ZHX2: variants seen among roughly 807,000 people sequenced by gnomAD.
ZHX2 encodes the protein zinc fingers and homeoboxes protein 2.
In ZHX2, 6 loss-of-function variants were observed where a neutral mutation model predicts 21.9. That is an observed-to-expected ratio of 0.27 (90% confidence interval 0.15 to 0.54). The LOEUF is 0.54. ZHX2 is among the 20% of genes least tolerant of loss of function. The pLI is 0.95. For synonymous variants in ZHX2, 434 were observed against 437.1 expected, an observed-to-expected ratio of 0.99 and a Z score of 0.09; for missense variants, 908 against 1,090.7, an observed-to-expected ratio of 0.83 and a Z score of 2.36.
At chr8:122,937,899 T>A (rs1468446989) in intron 2 of ZHX2, among the ~76,000 whole-genome samples, 1 of 145,588 alleles carries the variant, frequency 6.9e-6, no homozygotes, top group Non-Finnish European at 1.5e-5. Context: ...CTATTTTTTT[T>A]ATTCATGTAT....
chr8:122,780,532 A>T (rs748405703), upstream of ZHX2: 1 of 152,298 alleles, frequency 6.6e-6, no homozygotes, highest in Admixed American at 6.5e-5. Flanking sequence ...GCCGCCTGAG[A>T]TCCCGAAGTG....
At chr8:122,874,243 C>G (rs1230660541) in intron 2 of ZHX2, among the ~76,000 whole-genome samples, 1 of 152,142 alleles carries the variant, frequency 6.6e-6, no homozygotes, top group Non-Finnish European at 1.5e-5. Context: ...GCACAGGCAT[C>G]TTTGGGGGTC....
At chr8:122,870,704 C>T (rs1291964556) in intron 2 of ZHX2, among the ~76,000 whole-genome samples, 1 of 146,666 alleles carries the variant, frequency 6.8e-6, no homozygotes, top group Non-Finnish European at 1.5e-5. Flanking sequence ...GCAGATGGCA[C>T]TGCAGGTAGG....
intron 2 of ZHX2, among the ~76,000 whole-genome samples, chr8:122,905,208 C>G (rs1820317204): frequency 6.6e-6 from 1 of 152,210 alleles, no homozygotes; most frequent in Non-Finnish European, 1.5e-5. Context: ...GAACCCCATA[C>G]AGGATGAATC....
chr8:122,957,749 G>A (rs1813345834), intron 3 of ZHX2, among the ~76,000 whole-genome samples: 1 of 152,154 alleles, frequency 6.6e-6, no homozygotes, highest in Non-Finnish European at 1.5e-5. Context: ...GGGATGACAG[G>A]CAGGAGCCAC....
Position 122,864,675 on chromosome 8 carries a change from G to A in ZHX2, c.-220+1136G>A, listed in dbSNP as rs566618396. ...CAGGGCCCCAGAGAAGGCAAAAGCGGGTGTGGTCCAGGCAGGTGGCTTGGC... is the reference window on the plus strand; with the variant it reads ...CAGGGCCCCAGAGAAGGCAAAAGCGAGTGTGGTCCAGGCAGGTGGCTTGGC... On this transcript the variant is annotated intron_variant, in intron 2 of 3. Coordinates refer to ENST00000314393, the MANE Select transcript of ZHX2 (RefSeq NM_014943.5). 1.6e-4 allele frequency among the ~76,000 whole-genome samples: 24 copies of A among 152,240 alleles called. 1 individual carries two copies. In the East Asian group the frequency reaches 4.6e-3, roughly 29 times the overall value.
In ZHX2 at chr8:122,951,600, C is replaced by G. The variant is rs775719645; in HGVS notation, c.90C>G (p.Ala30=). ...ATGTGCCCGAGGAAGTAGACAGGGC[C>G]AAAGAGAAAGGAATCGGCACACCAC... ...EQDVPEEVDR[A]KEKGIGTPQP... is the part of the protein sequence containing the mutation. The change falls in exon 3 of 4, where the codon GCC becomes GCG. Residue 30 remains alanine (A), a synonymous_variant. Coordinates refer to ENST00000314393, the MANE Select transcript of ZHX2 (RefSeq NM_014943.5). 16 of 1,613,690 alleles carry G rather than the reference C, an allele frequency of 9.9e-6. No individual in the cohort carries two copies. In the South Asian group the frequency reaches 1.8e-4, roughly 18 times the overall value.
chr8:122,915,331 T>A (rs1305824633), intron 2 of ZHX2, among the ~76,000 whole-genome samples: 3 of 152,178 alleles, frequency 2.0e-5, no homozygotes, highest in African/African-American at 4.8e-5. Context: ...TAAGAGTGGA[T>A]GTCCCTTTAT....
upstream of ZHX2, chr8:122,780,529 G>A (rs1817255337): frequency 6.6e-6 from 1 of 152,350 alleles, no homozygotes; most frequent in African/African-American, 2.4e-5. Flanking sequence ...GTTGCCGCCT[G>A]AGATCCCGAA....
intron 2 of ZHX2, among the ~76,000 whole-genome samples, chr8:122,894,422 C>T (rs1820049560): frequency 6.6e-6 from 1 of 152,210 alleles, no homozygotes; most frequent in African/African-American, 2.4e-5. Context: ...AGCCATTCAT[C>T]CTCTCTTTAG....
At chr8:122,929,722 G>T (rs951044145) in intron 2 of ZHX2, among the ~76,000 whole-genome samples, 3 of 151,634 alleles carry the variant, frequency 2.0e-5, no homozygotes, top group African/African-American at 7.3e-5. Context: ...TTTCGTGTCT[G>T]AAAAACTCCA....
intron 2 of ZHX2, among the ~76,000 whole-genome samples, chr8:122,938,643 C>G (rs1203392500): frequency 6.6e-6 from 1 of 151,952 alleles, no homozygotes; most frequent in Non-Finnish European, 1.5e-5. Flanking sequence ...TTAACACCAG[C>G]CTGGGCAACA....
intron 2 of ZHX2, among the ~76,000 whole-genome samples, chr8:122,894,222 G>A (rs1288147847): frequency 6.6e-6 from 1 of 152,234 alleles, no homozygotes; most frequent in Non-Finnish European, 1.5e-5. Context: ...GCTAGGCAAT[G>A]CCAGTTGAGA....
chr8:122,827,810 G>C (rs992571379), intron 1 of ZHX2, among the ~76,000 whole-genome samples: 1 of 152,214 alleles, frequency 6.6e-6, no homozygotes, highest in African/African-American at 2.4e-5. Flanking sequence ...TAAATACAGA[G>C]ACAAGATGAA....
chr8:122,809,696 G>A (rs982769521), intron 1 of ZHX2, among the ~76,000 whole-genome samples: 3 of 152,102 alleles, frequency 2.0e-5, no homozygotes, highest in African/African-American at 7.2e-5. Context: ...TGCCCCACTT[G>A]TCACGCGTGG....
chr8:122,851,368 T>C (rs569235855), intron 1 of ZHX2, among the ~76,000 whole-genome samples: 3 of 152,192 alleles, frequency 2.0e-5, no homozygotes, highest in Non-Finnish European at 4.4e-5. Flanking sequence ...TCAATGAAAG[T>C]TGGCTATGAT....
intron 2 of ZHX2, among the ~76,000 whole-genome samples, chr8:122,875,123 A>T (rs1819531130): frequency 1.7e-5 from 2 of 116,412 alleles, no homozygotes; most frequent in African/African-American, 3.6e-5. Context: ...AGGAAGGAAA[A>T]CTCTGTTATA....
intron 1 of ZHX2, among the ~76,000 whole-genome samples, chr8:122,854,397 A>G (rs1445323247): frequency 6.6e-6 from 1 of 152,200 alleles, no homozygotes; most frequent in Non-Finnish European, 1.5e-5. Flanking sequence ...CCTTGTAGAT[A>G]GGAGAAACTG....
At chr8:122,820,712 A>G (rs1026400238) in intron 1 of ZHX2, among the ~76,000 whole-genome samples, 4 of 152,188 alleles carry the variant, frequency 2.6e-5, no homozygotes, top group African/African-American at 9.7e-5. Context: ...ATAAGAATGG[A>G]AGGAAAACTA....
Sources: allele counts gnomAD v4.1 joint callset (sites outside exome capture counted in the v4.1 genomes callset), GRCh38; gene constraint gnomAD v4.1.1; transcripts MANE v1.5; gene names NCBI Gene and HGNC (gene_info 2026-07-23, HGNC 2026-07-21).